RADX: variants seen among roughly 807,000 people sequenced by gnomAD.
RADX encodes RPA1 related single stranded DNA binding protein, X-linked, also known as RPA-related protein RADX.
RADX carries 36 observed loss-of-function variants against 61.6 expected under a neutral mutation model. The ratio of observed to expected loss-of-function variants is 0.58; its 90% CI spans 0.45 to 0.77. The LOEUF (loss-of-function observed/expected upper bound fraction) is 0.77. RADX is among the 30% of genes least tolerant of loss of function. The probability of loss-of-function intolerance (pLI) is 0.00; values close to 1 mark genes in which losing one functional copy is unlikely to be tolerated. For missense variants in RADX, 497 were observed against 651.1 expected (o/e 0.76, Z 2.58); for synonymous variants, 272 against 237.9 (o/e 1.14, Z -1.32).
At chrX:106,665,698 T>C (rs758369720) in intron 12 of RADX, among the ~76,000 whole-genome samples, 13 of 111,871 alleles carry the variant, frequency 1.2e-4, no homozygotes, top group Non-Finnish European at 2.3e-4. Context: ...TGGTTTATTA[T>C]ACCTCTGCAA....
At chrX:106,628,185 A>G (rs1927120460) in intron 3 of RADX, among the ~76,000 whole-genome samples, 1 of 112,010 alleles carries the variant, frequency 8.9e-6, no homozygotes, top group Non-Finnish European at 1.9e-5. Flanking sequence ...CAGTTATGTA[A>G]ATCATGTTAG....
rs899253590 is a variant in RADX, at chrX:106,613,845, C to A, written c.643+1122C>A. On this transcript the variant is annotated intron_variant, in intron 1 of 13. Transcript: ENST00000372548. ...GAAATAAGGCAGTAGTGCATTACTA[C>A]TCTAAATGTTGATCACTTTAATTTT... 2.7e-5 allele frequency among the ~76,000 whole-genome samples: 3 copies of A among 112,190 alleles called. No individual in the cohort carries two copies. In the South Asian group the frequency reaches 1.1e-3, roughly 41 times the overall value.
chrX:106,659,102 G>A, intron 11 of RADX, among the ~76,000 whole-genome samples: 1 of 110,645 alleles, frequency 9.0e-6, no homozygotes, highest in Non-Finnish European at 1.9e-5. Flanking sequence ...TGGAACCATA[G>A]GTGTGTGCCA....
chrX:106,624,166 C>T (rs138534551), intron 2 of RADX, among the ~76,000 whole-genome samples: 396 of 111,785 alleles, frequency 3.5e-3, no homozygotes, highest in Middle Eastern at 0.014. Flanking sequence ...TTGGCAAAGC[C>T]ATCTTTAAGA....
At position 106,612,572 on chromosome X, in the gene RADX, A is replaced by G. The variant is rs1339970086; in HGVS notation, c.492A>G (p.Leu164=). The change falls in exon 1 of 14, where the codon TTA becomes TTG. Residue 164 remains leucine (L), a synonymous_variant. Coordinates refer to ENST00000372548, the MANE Select transcript of RADX (RefSeq NM_018015.6). ...GGGAGACTTCAGACAGTATTTCTTT[A>G]GAAACTCCCTTCAGAAATAGAGCGC... is the stretch of plus-strand genomic sequence containing the variant. ...HCGETSDSIS[L]ETPFRNRAHQ... is the part of the protein sequence containing the mutation. 3.3e-6 allele frequency: 4 copies of G among 1,209,726 alleles called. No homozygotes were observed. The highest frequency in any genetic ancestry group is 4.5e-6 in the Non-Finnish European group (4 of 895,235).
chrX:106,621,924 GGTT>G (rs1428090511), intron 1 of RADX, among the ~76,000 whole-genome samples: 196 of 97,021 alleles, frequency 2.0e-3, no homozygotes, highest in African/African-American at 9.1e-3. Flanking sequence ...ACAATTCTAT[GGTT>G]TTTTTTTTTT....
chrX:106,612,724 G>T lies in RADX; in HGVS notation c.643+1G>T. On this transcript the variant is annotated splice_donor_variant, in intron 1 of 13. Transcript: ENST00000372548. LOFTEE classifies it high-confidence loss of function. Reference sequence around the variant, plus strand: ...CAACCTGAGGAACACAACTTTAGCGGTAAGTGTTTGGAAAGAACGGCAGAG... The same window carrying T: ...CAACCTGAGGAACACAACTTTAGCGTTAAGTGTTTGGAAAGAACGGCAGAG... The T allele has an allele frequency of 8.4e-7, 1 of 1,183,596 alleles. No homozygotes were observed. Among genetic ancestry groups the T allele is most frequent in the Non-Finnish European group, 1.1e-6 (1 of 884,294 alleles).
At chrX:106,638,278 T>G (rs1927410043) in intron 8 of RADX, 1 of 135,592 alleles carries the variant, frequency 7.4e-6, no homozygotes, top group Non-Finnish European at 1.4e-5. Context: ...TTTTTTTTTT[T>G]TTGAGACGGA....
chrX:106,612,394 A>G lies in RADX; in HGVS notation c.314A>G (p.Gln105Arg). ...YDVTISDGVY[Q>R]EKCYLDPSLN... Reference sequence around the variant, plus strand: ...GTGACGATCTCAGATGGGGTGTACCAGGAGAAGTGCTACCTGGACCCCAGC... The same window carrying G: ...GTGACGATCTCAGATGGGGTGTACCGGGAGAAGTGCTACCTGGACCCCAGC... Residue 105 changes from glutamine (Q) to arginine (R), a missense_variant, in exon 1 of 14, where the codon CAG becomes CGG. Gln to Arg is a conservative substitution (Grantham distance 43). Coordinates refer to ENST00000372548, the MANE Select transcript of RADX (RefSeq NM_018015.6). The G allele has an allele frequency of 8.3e-7, 1 of 1,211,546 alleles. No homozygotes were observed. Among genetic ancestry groups the G allele is most frequent in the Non-Finnish European group, 1.1e-6 (1 of 895,255 alleles).
At chrX:106,630,345 CA>C (rs1172087905) in intron 3 of RADX, among the ~76,000 whole-genome samples, 4,892 of 80,299 alleles carry the variant, frequency 0.061, 194 homozygotes, top group African/African-American at 0.14. Context: ...AACAAACAAA[CA>C]AAAAAAAAAA....
chrX:106,665,349 A>G (rs1278903045), intron 12 of RADX, among the ~76,000 whole-genome samples: 1 of 112,367 alleles, frequency 8.9e-6, no homozygotes, highest in South Asian at 3.7e-4. Flanking sequence ...TGTGAAAGCA[A>G]CCATTGACAA....
In RADX at chrX:106,678,309, A is replaced by T. The variant is rs747594266; in HGVS notation, c.*51A>T. ...ATTATACGAGTGTACTGCTTTAAAG[A>T]TATTCCATCATTTTGCTGGTAATTT... On this transcript the variant is annotated 3_prime_UTR_variant, in exon 14 of 14. Transcript: ENST00000372548. The T allele has an allele frequency of 3.7e-5, 32 of 861,897 alleles. No homozygotes were observed. The South Asian group carries it at 9.7e-4, about 26-fold the overall frequency. 71.0% of individuals were successfully genotyped at this position (861,897 alleles called of 1,213,427 possible). A position where few individuals can be genotyped will look rare whatever the true frequency, so the allele number is the denominator to read the frequency against.
At chrX:106,624,382 T>C (rs1023621802) in intron 2 of RADX, among the ~76,000 whole-genome samples, 2 of 111,741 alleles carry the variant, frequency 1.8e-5, no homozygotes, top group Non-Finnish European at 3.8e-5. Flanking sequence ...AGGGAAGAAG[T>C]ATCTAACAGT....
chrX:106,659,838 A>G (rs1928045783), intron 11 of RADX, among the ~76,000 whole-genome samples: 1 of 111,894 alleles, frequency 8.9e-6, no homozygotes. Context: ...TTTTCATATA[A>G]ACATTTGTAC....
chrX:106,627,714 T>C (rs1927105866), intron 3 of RADX, among the ~76,000 whole-genome samples: 1 of 111,757 alleles, frequency 8.9e-6, no homozygotes, highest in African/African-American at 3.3e-5. Context: ...ATTATGCTAA[T>C]TGAAATAAGC....
At chrX:106,658,637 T>A (rs1928007909) in intron 11 of RADX, among the ~76,000 whole-genome samples, 1 of 112,264 alleles carries the variant, frequency 8.9e-6, no homozygotes, top group Non-Finnish European at 1.9e-5. Flanking sequence ...ATATTGCAGT[T>A]TTAATGAATG....
chrX:106,616,479 C>T (rs1234684120), intron 1 of RADX, among the ~76,000 whole-genome samples: 3 of 111,638 alleles, frequency 2.7e-5, no homozygotes, highest in Non-Finnish European at 5.6e-5. Context: ...GTACTACTTT[C>T]TTGAGTTAAA....
At chrX:106,629,338 C>T (rs1015427993) in intron 3 of RADX, among the ~76,000 whole-genome samples, 2 of 111,748 alleles carry the variant, frequency 1.8e-5, no homozygotes, top group Non-Finnish European at 3.8e-5. Context: ...TACAACTTTG[C>T]TTGCTTATAT....
chrX:106,662,432 C>A, intron 12 of RADX, 127 bp downstream of exon 12: 3 of 545,013 alleles, frequency 5.5e-6, no homozygotes, highest in Non-Finnish European at 8.5e-6. Flanking sequence ...TGTTTGGCTC[C>A]AACAAAAGGA....
Sources: allele counts gnomAD v4.1 joint callset (sites outside exome capture counted in the v4.1 genomes callset), GRCh38; gene constraint gnomAD v4.1.1; transcripts MANE v1.5; gene names NCBI Gene and HGNC (gene_info 2026-07-23, HGNC 2026-07-21).